Variants in TRIM55 observed in about 807,000 individuals in gnomAD.
TRIM55 encodes the protein tripartite motif containing 55.
A neutral mutation model predicts 60.9 loss-of-function variants in TRIM55; 50 were observed. The observed-to-expected ratio is 0.82, with a 90% CI of 0.65 to 1.04. The LOEUF (loss-of-function observed/expected upper bound fraction) is 1.04. Ranked by LOEUF, TRIM55 falls within the 50% of genes least tolerant of loss-of-function variation. The pLI, the probability that TRIM55 is intolerant of heterozygous loss-of-function variation, is 0.00. For missense variants in TRIM55, 681 were observed against 666.9 expected (o/e 1.02, Z -0.23); for synonymous variants, 237 against 238.1 (o/e 1.00, Z 0.04).
Position 66,128,325 on chromosome 8 carries a change from A to C in TRIM55, c.190A>C (p.Thr64Pro). 1 of 1,609,384 alleles carries C rather than the reference A, an allele frequency of 6.2e-7. No individual in the cohort carries two copies. The highest frequency in any genetic ancestry group is 8.5e-7 in the Non-Finnish European group (1 of 1,178,056). The change falls in exon 2 of 10, where the codon ACA (threonine) becomes CCA (proline). Residue 64 changes from threonine (T) to proline (P), a missense_variant. By Grantham distance (38) the Thr-to-Pro change is conservative. Coordinates refer to ENST00000315962, the MANE Select transcript of TRIM55 (RefSeq NM_184085.2). ...IFQASNPYLPTRGGTTMASGG... is the reference protein window; with the variant it reads ...IFQASNPYLPPRGGTTMASGG... The stretch of plus-strand genomic sequence containing the variant: ...ACAGGCCTCTAACCCGTATTTGCCC[A>C]CAAGAGGAGGTACCACCATGGCATC...
chr8:66,153,923 AC>A (rs1250736288), intron 8 of TRIM55, 123 bp from the exon 9 acceptor site: 1 of 931,022 alleles, frequency 1.1e-6, no homozygotes, highest in East Asian at 2.6e-5. Flanking sequence ...TAAAACGGCC[AC>A]CAAGGCACTG....
intron 9 of TRIM55, among the ~76,000 whole-genome samples, chr8:66,167,255 A>T (rs559319770): frequency 2.0e-5 from 3 of 152,200 alleles, no homozygotes; most frequent in Admixed American, 1.3e-4. Flanking sequence ...TAGTAATACT[A>T]TCGACCTCCC....
chr8:66,156,110 C>G (rs1242719447), intron 9 of TRIM55, among the ~76,000 whole-genome samples: 1 of 152,128 alleles, frequency 6.6e-6, no homozygotes, highest in Non-Finnish European at 1.5e-5. Flanking sequence ...ATGCAGGTTT[C>G]CATAGATTAA....
chr8:66,154,003 CTT>C (rs34117579), intron 8 of TRIM55, 42 bp from the exon 9 acceptor site: 52 of 1,276,098 alleles, frequency 4.1e-5, no homozygotes, highest in South Asian at 1.2e-4. Flanking sequence ...TCTTCTTCTT[CTT>C]TTTTTTTTTC....
intron 9 of TRIM55, among the ~76,000 whole-genome samples, chr8:66,171,028 G>A (rs551371935): frequency 6.0e-4 from 92 of 152,266 alleles, no homozygotes; most frequent in African/African-American, 1.8e-3. Context: ...ACTGAGGTTC[G>A]TGTCTAAGTA....
At chr8:66,145,744 T>A (rs1200500273) in intron 4 of TRIM55, among the ~76,000 whole-genome samples, 2 of 152,152 alleles carry the variant, frequency 1.3e-5, no homozygotes, top group African/African-American at 4.8e-5. Flanking sequence ...CACTGCAGCC[T>A]CCACCTCCAG....
intron 9 of TRIM55, among the ~76,000 whole-genome samples, chr8:66,157,685 A>G (rs1267963608): frequency 6.6e-6 from 1 of 152,212 alleles, no homozygotes; most frequent in Non-Finnish European, 1.5e-5. Flanking sequence ...TTCAGCCCAC[A>G]ACAGCTGAAC....
intron 2 of TRIM55, among the ~76,000 whole-genome samples, chr8:66,132,490 A>T (rs1809219682): frequency 6.6e-6 from 1 of 152,170 alleles, no homozygotes; most frequent in African/African-American, 2.4e-5. Context: ...TTACTACTTC[A>T]ATTGCCTCAC....
chr8:66,174,723 C>T lies in TRIM55; in HGVS notation c.*130C>T, dbSNP rs945273041. 2 of 999,624 alleles carry T rather than the reference C, an allele frequency of 2.0e-6. No homozygotes were observed. Among genetic ancestry groups the T allele is most frequent in the African/African-American group, 3.4e-5 (2 of 59,214 alleles). The allele number at this position is 999,624 out of a possible 1,614,324, so 61.9% of individuals were successfully genotyped here. On this transcript the variant is annotated 3_prime_UTR_variant, in exon 10 of 10. Coordinates refer to ENST00000315962, the MANE Select transcript of TRIM55 (RefSeq NM_184085.2). ...GAACAGGATTTCTGCAAAAATAGCCCCAAACTGCAATTCCATATGACTTAT... is the reference window on the plus strand; with the variant it reads ...GAACAGGATTTCTGCAAAAATAGCCTCAAACTGCAATTCCATATGACTTAT...
chr8:66,124,239 G>A, upstream of TRIM55, among the ~76,000 whole-genome samples: 1 of 152,186 alleles, frequency 6.6e-6, no homozygotes, highest in Admixed American at 6.5e-5. Context: ...CCACCTTCAT[G>A]CTAATCTAAC....
the TRIM55 span, among the ~76,000 whole-genome samples, chr8:66,118,033 G>A: frequency 4.6e-5 from 7 of 151,178 alleles, no homozygotes; most frequent in Admixed American, 2.6e-4. Context: ...CCCGGGTGTG[G>A]TGGCGGGCCC....
upstream of TRIM55, among the ~76,000 whole-genome samples, chr8:66,122,167 C>T (rs1443376622): frequency 6.6e-6 from 1 of 152,060 alleles, no homozygotes. Context: ...ATCTTGGGGC[C>T]CCCAAATCAC....
intron 2 of TRIM55, among the ~76,000 whole-genome samples, chr8:66,131,874 C>T (rs182620521): frequency 7.2e-5 from 11 of 152,348 alleles, no homozygotes; most frequent in Admixed American, 5.2e-4. Flanking sequence ...GTTGACATCT[C>T]TCATCTGCTG....
At chr8:66,126,966 TCCTTCCCA>T, upstream of TRIM55, 1 of 259,670 alleles carries the variant, frequency 3.9e-6, no homozygotes, top group Non-Finnish European at 7.4e-6. Flanking sequence ...TTTGTAATCC[TCCTTCCCA>T]CCCACTCTCT....
chr8:66,114,174 G>A, the TRIM55 span, among the ~76,000 whole-genome samples: 93 of 147,160 alleles, frequency 6.3e-4, no homozygotes, highest in East Asian at 9.0e-3. Flanking sequence ...CAGATAATAA[G>A]CCGTGCCCAG....
chr8:66,131,293 G>A (rs73246560), intron 2 of TRIM55, among the ~76,000 whole-genome samples: 4,521 of 152,210 alleles, frequency 0.03, 237 homozygotes, highest in African/African-American at 0.099. Context: ...GGCCTCTGAA[G>A]AGAAATGCAG....
At chr8:66,127,722 G>A (rs912247486) in intron 1 of TRIM55, among the ~76,000 whole-genome samples, 1 of 151,966 alleles carries the variant, frequency 6.6e-6, no homozygotes, top group African/African-American at 2.4e-5. Context: ...ATAATCTCAG[G>A]TACTTGGGAG....
At chr8:66,132,387 G>T (rs1563635058) in intron 2 of TRIM55, among the ~76,000 whole-genome samples, 1 of 152,318 alleles carries the variant, frequency 6.6e-6, no homozygotes, top group South Asian at 2.1e-4. Flanking sequence ...CGGGAAGGTG[G>T]AGGTTGCGGT....
intron 4 of TRIM55, among the ~76,000 whole-genome samples, chr8:66,143,847 T>TA (rs1809962015): frequency 6.6e-6 from 1 of 152,162 alleles, no homozygotes; most frequent in Admixed American, 6.5e-5. Flanking sequence ...TTTATTCTAA[T>TA]AGAGGAGTTA....
Sources: gnomAD v4.1 joint callset for allele counts (sites outside exome capture counted in the v4.1 genomes callset) on GRCh38, gnomAD v4.1.1 for gene constraint, MANE v1.5 for transcripts, NCBI Gene and HGNC (gene_info 2026-07-23, HGNC 2026-07-21) for gene names.